ADCY1: variants seen among roughly 807,000 people sequenced by gnomAD.
ADCY1 encodes adenylate cyclase 1, also known as adenylate cyclase type 1.
ADCY1 carries 28 observed loss-of-function variants against 105.4 expected under a neutral mutation model. The ratio of observed to expected loss-of-function variants is 0.27; its 90% CI spans 0.20 to 0.36. ADCY1 has a LOEUF of 0.36. Among genes scored for constraint, ADCY1 ranks in the 10% least tolerant of loss-of-function variants. The pLI is 1.00. For synonymous variants in ADCY1, 655 were observed against 623.8 expected, an observed-to-expected ratio of 1.05 and a Z score of -0.75; for missense variants, 977 against 1,434.2, an observed-to-expected ratio of 0.68 and a Z score of 5.15.
chr7:45,622,462 T>C (rs990735657), intron 3 of ADCY1, among the ~76,000 whole-genome samples, 170 bp from the exon 4 acceptor site: 3 of 152,174 alleles, frequency 2.0e-5, no homozygotes, highest in Admixed American at 2.0e-4. Flanking sequence ...AGCCTCAGTC[T>C]TCTCACCTGT....
At chr7:45,712,051 A>G (rs1785267513) in intron 19 of ADCY1, among the ~76,000 whole-genome samples, 2 of 130,320 alleles carry the variant, frequency 1.5e-5, no homozygotes, top group East Asian at 2.0e-4. Context: ...TTTATATAAT[A>G]TATTAAATAT....
Position 45,714,201 on chromosome 7 carries a change from G to T in ADCY1, c.*206G>T, listed in dbSNP as rs1168834576. On this transcript the variant is annotated 3_prime_UTR_variant, in exon 20 of 20. Transcript: ENST00000297323. ...CAGCACAGCAGTGACTCGGTGAGGG[G>T]AGGACACCCGACTGTGCACACTTCC... 5 of 586,496 alleles carry T rather than the reference G, an allele frequency of 8.5e-6. No individual in the cohort carries two copies. In the Admixed American group the frequency reaches 1.5e-4, roughly 18 times the overall value. The allele number at this position is 586,496 out of a possible 1,614,324, so 36.3% of individuals were successfully genotyped here.
chr7:45,638,903 C>T (rs1389830680), intron 4 of ADCY1, among the ~76,000 whole-genome samples: 2 of 152,068 alleles, frequency 1.3e-5, no homozygotes, highest in African/African-American at 4.8e-5. Flanking sequence ...ACTGTAGGCT[C>T]AAGGTTGTAT....
Position 45,647,285 on chromosome 7 carries a change from TC to T in ADCY1, c.1021-1382del. On this transcript the variant is annotated intron_variant, in intron 4 of 19. Transcript: ENST00000297323. This position sits in a 1 kb window ranked among gnomAD's most constrained non-coding sequence, Gnocchi z 4.6. ...GGCTCCCAGCGGTCGGTGTGGCCTG[TC>T]CCTGTCCTGACTCACTCTGTGCTGG... Among the ~76,000 whole-genome samples the T allele has an allele frequency of 6.6e-6, 1 of 152,222 alleles. No homozygotes were observed. Among genetic ancestry groups the T allele is most frequent in the East Asian group, 1.9e-4 (1 of 5,200 alleles).
At chr7:45,688,210 A>G (rs1450112652) in intron 14 of ADCY1, among the ~76,000 whole-genome samples, 1 of 152,234 alleles carries the variant, frequency 6.6e-6, no homozygotes, top group African/African-American at 2.4e-5. Context: ...CATGACTTCA[A>G]CCAGTGATAG....
At chr7:45,675,621 T>A (rs1336388309) in intron 8 of ADCY1, among the ~76,000 whole-genome samples, 1 of 152,108 alleles carries the variant, frequency 6.6e-6, no homozygotes, top group Non-Finnish European at 1.5e-5. Context: ...GAAGTATAAT[T>A]TTGCTAGATG....
At chr7:45,676,425 T>C (rs952521905) in intron 8 of ADCY1, among the ~76,000 whole-genome samples, 4 of 152,002 alleles carry the variant, frequency 2.6e-5, no homozygotes, top group African/African-American at 9.7e-5. Context: ...AGTGGTTTCT[T>C]TTTTTTTATG....
chr7:45,660,504 C>A (rs868545970), intron 7 of ADCY1, among the ~76,000 whole-genome samples: 1 of 152,208 alleles, frequency 6.6e-6, no homozygotes. Flanking sequence ...CGCAGGGGGG[C>A]CAGGGATGGG....
chr7:45,686,771 G>A lies in ADCY1; in HGVS notation c.2454+98G>A, dbSNP rs902284895. 1.4e-5 allele frequency: 21 copies of A among 1,477,420 alleles called. No individual in the cohort carries two copies. Among genetic ancestry groups the A allele is most frequent in the East Asian group, 4.7e-5 (2 of 42,478 alleles). 91.5% of individuals were successfully genotyped at this position (1,477,420 alleles called of 1,614,324 possible). On this transcript the variant is annotated intron_variant, in intron 14 of 19. Transcript: ENST00000297323. The surrounding 1 kb of genome is among the most constrained non-coding windows in gnomAD (Gnocchi z 4.3). ...CGGGGGCTGCCACAGACACCCACAC[G>A]CCGTATGGCCCTCGGAGGGCCCTCC...
rs1208609608 is a variant in ADCY1, at chr7:45,574,479, C to T, written c.-65C>T. The T allele has an allele frequency of 2.1e-5, 12 of 569,744 alleles. No individual in the cohort carries two copies. Among genetic ancestry groups the T allele is most frequent in the Non-Finnish European group, 2.4e-5 (11 of 455,256 alleles). 35.3% of individuals were successfully genotyped at this position (569,744 alleles called of 1,614,324 possible). A position where few individuals can be genotyped will look rare whatever the true frequency, so the allele number is the denominator to read the frequency against. On this transcript the variant is annotated 5_prime_UTR_variant, in exon 1 of 20. Transcript: ENST00000297323. The surrounding 1 kb of genome is among the most constrained non-coding windows in gnomAD (Gnocchi z 7.0). Reference sequence around the variant, plus strand: ...GCCCGCCCGCCCCGGCGCCGCCGCCCGCGCCCCGGCGCCCCGGGCCGGCGA... The same window carrying T: ...GCCCGCCCGCCCCGGCGCCGCCGCCTGCGCCCCGGCGCCCCGGGCCGGCGA...
intron 1 of ADCY1, among the ~76,000 whole-genome samples, chr7:45,585,951 C>T (rs796159896): frequency 8.5e-5 from 13 of 152,158 alleles, no homozygotes; most frequent in African/African-American, 1.9e-4. Flanking sequence ...AGATGGTCAC[C>T]GTGTCATTCA....
At chr7:45,574,361 G>C (rs1792246695), upstream of ADCY1, among the ~76,000 whole-genome samples, 1 of 145,136 alleles carries the variant, frequency 6.9e-6, no homozygotes, top group East Asian at 2.1e-4. This position sits in a 1 kb window ranked among gnomAD's most constrained non-coding sequence, Gnocchi z 7.0. Context: ...CGCGGCGGGC[G>C]GGAGGGGACG....
chr7:45,660,692 GGGTTCAGGCTCAA>G (rs1395858629), intron 7 of ADCY1, among the ~76,000 whole-genome samples: 3 of 152,068 alleles, frequency 2.0e-5, no homozygotes, highest in Non-Finnish European at 4.4e-5. Flanking sequence ...CTCAGGTGAG[GGGTTCAGGCTCAA>G]GTGAGGTGTT....
Position 45,643,712 on chromosome 7 carries a change from T to C in ADCY1, c.1021-4958T>C, listed in dbSNP as rs531887268. 9.5e-4 allele frequency among the ~76,000 whole-genome samples: 144 copies of C among 152,340 alleles called. 1 individual carries two copies. The highest frequency in any genetic ancestry group is 1.3e-3 in the Non-Finnish European group (89 of 68,022). ...AGTAAAAAACCGAAGTCGAGGTACA[T>C]GGAGAGACCCCTCCCTTGCTCACTG... On this transcript the variant is annotated intron_variant, in intron 4 of 19. Coordinates refer to ENST00000297323, the MANE Select transcript of ADCY1 (RefSeq NM_021116.4).
At chr7:45,648,519 G>GGTGT (rs1339780142) in intron 4 of ADCY1, 151 bp from the exon 5 acceptor site, 1 of 998,146 alleles carries the variant, frequency 1.0e-6, no homozygotes, top group Non-Finnish European at 1.5e-6. Context: ...ACCACGCAAG[G>GGTGT]GTGTGGCCTG....
intron 4 of ADCY1, among the ~76,000 whole-genome samples, chr7:45,641,933 A>AAAAAAAAAAG (rs1177276742): frequency 0.14 from 3,427 of 25,058 alleles, 351 homozygotes; most frequent in African/African-American, 0.28. Flanking sequence ...ACTCCGTCTC[A>AAAAAAAAAAG]AAAAAAAAAA....
At chr7:45,642,478 C>T (rs895844067) in intron 4 of ADCY1, among the ~76,000 whole-genome samples, 1 of 152,064 alleles carries the variant, frequency 6.6e-6, no homozygotes, top group Non-Finnish European at 1.5e-5. Flanking sequence ...TTTAACAGTG[C>T]CCCTCCCATT....
At chr7:45,593,670 G>A (rs1792990646) in intron 2 of ADCY1, among the ~76,000 whole-genome samples, 1 of 152,162 alleles carries the variant, frequency 6.6e-6, no homozygotes. Context: ...GGGCTTACAG[G>A]CCTCTGTGAC....
At chr7:45,662,309 C>G in intron 8 of ADCY1, 95 bp downstream of exon 8, 1 of 1,344,942 alleles carries the variant, frequency 7.4e-7, no homozygotes, top group Non-Finnish European at 1.0e-6. Flanking sequence ...TTGGCTAGAT[C>G]AGAATTCCCT....
Sources: allele counts gnomAD v4.1 joint callset (sites outside exome capture counted in the v4.1 genomes callset), GRCh38; gene constraint gnomAD v4.1.1; non-coding constraint Gnocchi (gnomAD v3.1); transcripts MANE v1.5; gene names NCBI Gene and HGNC (gene_info 2026-07-23, HGNC 2026-07-21).